ZNF735: variants seen among roughly 807,000 people sequenced by gnomAD.
ZNF735 encodes zinc finger protein 735.
ZNF735 carries 11 observed loss-of-function variants against 13.4 expected under a neutral mutation model. The observed-to-expected ratio is 0.82, with a 90% CI of 0.52 to 1.36. ZNF735 has a LOEUF of 1.36. ZNF735 is among the 40% of genes most tolerant of loss of function. ZNF735 has a pLI of 0.00. For missense variants in ZNF735, 500 were observed against 484.6 expected, an observed-to-expected ratio of 1.03 and a Z score of -0.30; for synonymous variants, 171 against 162.6, an observed-to-expected ratio of 1.05 and a Z score of -0.39.
rs1204124708 is a variant in ZNF735 at position 64,219,508 on chromosome 7, C to T, written c.457C>T (p.Gln153Ter). 1 of 1,609,266 alleles carries T rather than the reference C, an allele frequency of 6.2e-7. No homozygotes were observed. Among genetic ancestry groups the T allele is most frequent in the Non-Finnish European group, 8.5e-7 (1 of 1,177,286 alleles). Residue 153 changes from glutamine (Q) to a stop codon, truncating the protein, a stop_gained, in exon 4 of 4, where the codon CAA becomes TAA. Coordinates refer to ENST00000429565, the Ensembl canonical transcript of ZNF735. LOFTEE classifies it low-confidence loss of function (END_TRUNC). ...CCTTAACCAATGTTTGTCAAATACC[C>T]AAAACAAAATATTTCAGACTCATAA... is the stretch of plus-strand genomic sequence containing the variant.
At chr7:64,215,354 G>A (rs1332582108) in intron 3 of ZNF735, among the ~76,000 whole-genome samples, 1 of 152,034 alleles carries the variant, frequency 6.6e-6, no homozygotes, top group Non-Finnish European at 1.5e-5. Context: ...CACTGCACCC[G>A]GTTCATTTGT....
At chr7:64,216,508 A>C (rs927406664) in intron 3 of ZNF735, among the ~76,000 whole-genome samples, 1 of 151,712 alleles carries the variant, frequency 6.6e-6, no homozygotes, top group Non-Finnish European at 1.5e-5. Flanking sequence ...GAGTGTGTTT[A>C]TTTCCATATA....
chr7:64,208,526 G>C (rs1787320956), intron 1 of ZNF735, among the ~76,000 whole-genome samples: 2 of 152,020 alleles, frequency 1.3e-5, no homozygotes, highest in Admixed American at 6.6e-5. Context: ...CAACAGGCTT[G>C]GGTTATAGGC....
chr7:64,217,516 G>A lies in ZNF735; in HGVS notation c.263-1798G>A, dbSNP rs6970979. Among the ~76,000 whole-genome samples the A allele has an allele frequency of 8.4e-3, 1,281 of 151,770 alleles. 18 individuals carry two copies. Among genetic ancestry groups the A allele is most frequent in the African/African-American group, 0.029 (1,197 of 41,390 alleles). On this transcript the variant is annotated intron_variant, in intron 3 of 3. Coordinates refer to ENST00000429565, the Ensembl canonical transcript of ZNF735. ...TTAAATTTTTTATTTATTATTGAAA[G>A]TGAGGTCTTAATGTTTATAATTTTA...
At chr7:64,211,711 CA>C (rs1193885094) in intron 1 of ZNF735, among the ~76,000 whole-genome samples, 1 of 151,398 alleles carries the variant, frequency 6.6e-6, no homozygotes, top group South Asian at 2.1e-4. Context: ...TAAAAAAATA[CA>C]AAAAATAGCC....
intron 1 of ZNF735, among the ~76,000 whole-genome samples, chr7:64,210,744 G>A (rs1456728520): frequency 7.1e-6 from 1 of 140,646 alleles, no homozygotes; most frequent in African/African-American, 2.5e-5. Context: ...GAAGCTCATT[G>A]TTCTCTCATT....
At chr7:64,220,087 A>T (rs1787473862) in exon 4 of ZNF735, 1 of 1,613,602 alleles carries the variant, frequency 6.2e-7, no homozygotes, top group Admixed American at 1.7e-5. Flanking sequence ...ACATAAGATA[A>T]TTCATACTGG....
At chr7:64,210,117 T>C (rs1308643624) in intron 1 of ZNF735, among the ~76,000 whole-genome samples, 1 of 152,158 alleles carries the variant, frequency 6.6e-6, no homozygotes, top group Non-Finnish European at 1.5e-5. Context: ...GCTATGAAAA[T>C]TAAATCACAA....
At chr7:64,215,642 TAA>T (rs987617695) in intron 3 of ZNF735, among the ~76,000 whole-genome samples, 1 of 145,476 alleles carries the variant, frequency 6.9e-6, no homozygotes, top group Non-Finnish European at 1.5e-5. Context: ...TATTTTTTTC[TAA>T]GAGTTTCATT....
intron 3 of ZNF735, 133 bp downstream of exon 3, chr7:64,214,241 ATTTTTTATT>A (rs1787393852): frequency 3.9e-6 from 4 of 1,014,392 alleles, no homozygotes; most frequent in Non-Finnish European, 2.7e-6. Flanking sequence ...AGTATTTTTT[ATTTTTTATT>A]TTTTTTATTT....
chr7:64,214,232 G>GTATTTTT (rs1405677605), intron 3 of ZNF735, 124 bp downstream of exon 3: 7 of 1,077,932 alleles, frequency 6.5e-6, no homozygotes, highest in Admixed American at 6.1e-5. Flanking sequence ...AGAAGCTTGA[G>GTATTTTT]TATTTTTTAT....
At chr7:64,219,729 A>G (rs1209390161) in exon 4 of ZNF735, 62 of 1,601,886 alleles carry the variant, frequency 3.9e-5, no homozygotes, top group Non-Finnish European at 5.3e-5. Context: ...ACCACTCCTC[A>G]AGCGGTACTA....
chr7:64,211,190 A>G (rs6949430), intron 1 of ZNF735, among the ~76,000 whole-genome samples: 108,876 of 152,110 alleles, frequency 0.72, 39,551 homozygotes, highest in East Asian at 0.9. Context: ...TTGGATTCTT[A>G]TATGCAATGC....
rs189326471 is a variant in ZNF735 at position 64,219,734 on chromosome 7, G to A, written c.683G>A (p.Gly228Asp). The change falls in exon 4 of 4, where the codon GGT becomes GAT. Residue 228 changes from glycine to aspartate, a missense_variant. Gly to Asp is a moderately conservative substitution (Grantham distance 94). Coordinates refer to ENST00000429565, the Ensembl canonical transcript of ZNF735. ...AAATCCTTTAACCACTCCTCAAGCG[G>A]TACTACACATAAAAGAATTCTTACT... The A allele has an allele frequency of 8.7e-6, 14 of 1,603,504 alleles. No homozygotes were observed. In the African/African-American group the frequency reaches 1.5e-4, roughly 17 times the overall value.
intron 1 of ZNF735, among the ~76,000 whole-genome samples, chr7:64,209,450 C>T (rs547465748): frequency 2.9e-4 from 44 of 151,262 alleles, no homozygotes; most frequent in Non-Finnish European, 5.7e-4. Context: ...ATTTTTCAAG[C>T]GATTCTCCTG....
At chr7:64,214,235 T>A (rs1418509881) in intron 3 of ZNF735, 127 bp downstream of exon 3, 1 of 1,000,624 alleles carries the variant, frequency 1.0e-6, no homozygotes, top group Non-Finnish European at 1.4e-6. Context: ...AGCTTGAGTA[T>A]TTTTTATTTT....
chr7:64,213,950 C>A, intron 2 of ZNF735, 63 bp from the exon 3 acceptor site: 1 of 1,399,360 alleles, frequency 7.1e-7, no homozygotes, highest in Non-Finnish European at 9.5e-7. Flanking sequence ...CAGAGTGAGA[C>A]TCCATCTCAA....
chr7:64,217,958 A>C (rs959961958), intron 3 of ZNF735, among the ~76,000 whole-genome samples: 8 of 152,126 alleles, frequency 5.3e-5, no homozygotes, highest in Admixed American at 3.9e-4. Context: ...ATAACTAAAA[A>C]TGTTTTCTGT....
In ZNF735 at chr7:64,220,122, ATG is replaced by A; in HGVS notation, c.1074_1075del (p.Cys358TrpfsTer5). Reference sequence around the variant, plus strand: ...GAGAGAAACCCTACACATGTGAAGAATGTGGCAGAACCTTTAACTGCTCCTCA... The same window carrying A: ...GAGAGAAACCCTACACATGTGAAGAATGGCAGAACCTTTAACTGCTCCTCA... On this transcript the variant is annotated frameshift_variant, in exon 4 of 4. Coordinates refer to ENST00000429565, the Ensembl canonical transcript of ZNF735. LOFTEE classifies it low-confidence loss of function (END_TRUNC). The A allele has an allele frequency of 1.9e-6, 3 of 1,613,634 alleles. No homozygotes were observed. Among genetic ancestry groups the A allele is most frequent in the Non-Finnish European group, 2.5e-6 (3 of 1,179,778 alleles).
Sources: allele counts gnomAD v4.1 joint callset (sites outside exome capture counted in the v4.1 genomes callset), GRCh38; gene constraint gnomAD v4.1.1; transcripts MANE v1.5; gene names NCBI Gene and HGNC (gene_info 2026-07-23, HGNC 2026-07-21).